Variants in ERBB4 observed in about 807,000 individuals in gnomAD.
The protein encoded by ERBB4 is erb-b2 receptor tyrosine kinase 4.
Under a neutral mutation model 158.0 loss-of-function variants are expected in ERBB4, and 42 were observed. The ratio of observed to expected loss-of-function variants is 0.27; its 90% CI spans 0.21 to 0.34. The LOEUF (loss-of-function observed/expected upper bound fraction) is 0.34, where lower values mean the gene tolerates loss of function less well. ERBB4 is among the 10% of genes least tolerant of loss of function. The probability of loss-of-function intolerance (pLI) is 1.00; values close to 1 mark genes in which losing one functional copy is unlikely to be tolerated. For missense variants in ERBB4, 1,333 were observed against 1,624.1 expected (o/e 0.82, Z 3.08); for synonymous variants, 583 against 558.7 (o/e 1.04, Z -0.61).
chr2:211,582,485 A>G (rs2068133505), intron 19 of ERBB4, among the ~76,000 whole-genome samples: 1 of 152,210 alleles, frequency 6.6e-6, no homozygotes, highest in African/African-American at 2.4e-5. Flanking sequence ...AAGACTAAAT[A>G]TGAGATTCTT....
chr2:211,648,301 C>CATCTGCAT (rs1465894733), intron 16 of ERBB4, among the ~76,000 whole-genome samples: 1 of 151,610 alleles, frequency 6.6e-6, no homozygotes, highest in Non-Finnish European at 1.5e-5. Context: ...CTTTTCTTAC[C>CATCTGCAT]ATCTGCATAT....
At chr2:212,058,420 A>C (rs1362938951) in intron 2 of ERBB4, among the ~76,000 whole-genome samples, 1 of 152,138 alleles carries the variant, frequency 6.6e-6, no homozygotes, top group African/African-American at 2.4e-5. Flanking sequence ...AAAAGAGGGA[A>C]TCCTCCCTAA....
chr2:212,336,920 C>T (rs1426963935), intron 1 of ERBB4, among the ~76,000 whole-genome samples: 1 of 151,958 alleles, frequency 6.6e-6, no homozygotes, highest in East Asian at 1.9e-4. Context: ...TGAGGTAGGT[C>T]CTGCAATACT....
At chr2:211,625,743 T>G in intron 17 of ERBB4, among the ~76,000 whole-genome samples, 1 of 152,308 alleles carries the variant, frequency 6.6e-6, no homozygotes, top group Middle Eastern at 3.4e-3. Context: ...GTATAATGAA[T>G]AACTTATGAA....
chr2:211,673,350 T>C, intron 13 of ERBB4, 93 bp from the exon 14 acceptor site: 1 of 880,294 alleles, frequency 1.1e-6, no homozygotes, highest in Non-Finnish European at 1.9e-6. Flanking sequence ...ATTGGCAGAG[T>C]AAATTCTAAA....
intron 2 of ERBB4, among the ~76,000 whole-genome samples, chr2:212,064,127 T>A (rs1012003032): frequency 6.6e-6 from 1 of 151,546 alleles, no homozygotes; most frequent in Non-Finnish European, 1.5e-5. Flanking sequence ...TAGAAGTAAT[T>A]CCCCAGAAGG....
chr2:212,111,406 A>T (rs2079401831), intron 2 of ERBB4, among the ~76,000 whole-genome samples: 1 of 152,194 alleles, frequency 6.6e-6, no homozygotes, highest in Non-Finnish European at 1.5e-5. Flanking sequence ...GTTACAGCTT[A>T]TTAGTAAGCT....
At chr2:211,470,180 C>G (rs13025469) in intron 20 of ERBB4, among the ~76,000 whole-genome samples, 1 of 151,846 alleles carries the variant, frequency 6.6e-6, no homozygotes, top group Admixed American at 6.6e-5. Flanking sequence ...GAAAGAAGTA[C>G]GTCCCACACT....
At chr2:212,497,749 T>C (rs1180536090) in intron 1 of ERBB4, among the ~76,000 whole-genome samples, 1 of 152,146 alleles carries the variant, frequency 6.6e-6, no homozygotes, top group African/African-American at 2.4e-5. Context: ...GATATTCACA[T>C]GTACACAATT....
chr2:212,224,600 C>T (rs1182121081), intron 1 of ERBB4, among the ~76,000 whole-genome samples: 4 of 151,998 alleles, frequency 2.6e-5, no homozygotes, highest in Admixed American at 6.6e-5. Flanking sequence ...ATATGTCTAT[C>T]ACACTAATAT....
rs34762084 is a variant in ERBB4, at chr2:211,913,619, A to ATGTGTGTG, written c.421+33803_421+33810dup. 2.5e-3 allele frequency among the ~76,000 whole-genome samples: 332 copies of ATGTGTGTG among 132,796 alleles called. 1 individual carries two copies. The highest frequency in any genetic ancestry group is 8.2e-3 in the African/African-American group (285 of 34,768). 87.1% of individuals were successfully genotyped at this position (132,796 alleles called of 152,430 possible). A position where few individuals can be genotyped will look rare whatever the true frequency, so the allele number is the denominator to read the frequency against. On this transcript the variant is annotated intron_variant, in intron 3 of 27. Coordinates refer to ENST00000342788, the MANE Select transcript of ERBB4 (RefSeq NM_005235.3). ...CTATTTCAAAAAAATATATATATAT[A>ATGTGTGTG]TGTGTGTGTGTGTGTGTGTGTGTGT...
chr2:211,893,250 A>T (rs1206028769), intron 3 of ERBB4, among the ~76,000 whole-genome samples: 1 of 144,436 alleles, frequency 6.9e-6, no homozygotes, highest in Non-Finnish European at 1.5e-5. Context: ...CTCAGAAATA[A>T]CACCGCATAT....
chr2:211,652,075 A>C (rs994460616), intron 16 of ERBB4, among the ~76,000 whole-genome samples: 6 of 152,202 alleles, frequency 3.9e-5, no homozygotes, highest in Admixed American at 2.0e-4. Context: ...GCATTTTGCT[A>C]TCAAGGTAAA....
intron 2 of ERBB4, among the ~76,000 whole-genome samples, chr2:212,055,814 C>A (rs1208310106): frequency 6.6e-6 from 1 of 152,178 alleles, no homozygotes; most frequent in Non-Finnish European, 1.5e-5. Context: ...TAGATAAAAC[C>A]ACAAAGATGG....
intron 5 of ERBB4, among the ~76,000 whole-genome samples, chr2:211,739,579 T>C (rs1294360193): frequency 6.6e-6 from 1 of 152,152 alleles, no homozygotes; most frequent in African/African-American, 2.4e-5. Flanking sequence ...TTCTCCTGCC[T>C]CAGTGTCCCG....
intron 1 of ERBB4, among the ~76,000 whole-genome samples, chr2:212,145,703 C>A (rs1053790365): frequency 2.3e-5 from 3 of 132,144 alleles, no homozygotes; most frequent in African/African-American, 8.5e-5. Context: ...CCACTCAACA[C>A]GGAGTGAAGC....
chr2:211,633,531 C>A (rs1383368518), intron 16 of ERBB4, among the ~76,000 whole-genome samples: 8 of 83,966 alleles, frequency 9.5e-5, no homozygotes, highest in Middle Eastern at 7.8e-3. Flanking sequence ...CTCTCTTTGA[C>A]ATTTAAACAA....
intron 1 of ERBB4, among the ~76,000 whole-genome samples, chr2:212,387,137 G>C (rs1055655835): frequency 2.6e-5 from 4 of 152,034 alleles, no homozygotes; most frequent in Non-Finnish European, 5.9e-5. Context: ...TCTGAAGGTA[G>C]ATATTATATG....
At chr2:212,065,117 C>G (rs1172084822) in intron 2 of ERBB4, among the ~76,000 whole-genome samples, 1 of 151,496 alleles carries the variant, frequency 6.6e-6, no homozygotes, top group African/African-American at 2.4e-5. Context: ...ATCACCCCTA[C>G]TAGACAAAGC....
Sources: gnomAD v4.1 joint callset for allele counts (sites outside exome capture counted in the v4.1 genomes callset) on GRCh38, gnomAD v4.1.1 for gene constraint, MANE v1.5 for transcripts, NCBI Gene and HGNC (gene_info 2026-07-23, HGNC 2026-07-21) for gene names.